Variants in ADAMTSL1 observed in about 807,000 individuals in gnomAD.
ADAMTSL1 encodes the protein ADAMTS-like protein 1.
In ADAMTSL1, 126 loss-of-function variants were observed where a neutral mutation model predicts 201.8. The observed-to-expected ratio is 0.62, with a 90% CI of 0.54 to 0.72. The LOEUF (loss-of-function observed/expected upper bound fraction) is 0.72, where lower values mean the gene tolerates loss of function less well. Ranked by LOEUF, ADAMTSL1 falls within the 30% of genes least tolerant of loss-of-function variation. The pLI, the probability that ADAMTSL1 is intolerant of heterozygous loss-of-function variation, is 0.00. For missense variants in ADAMTSL1, 2,679 were observed against 2,277.8 expected (o/e 1.18, Z -3.59); for synonymous variants, 1,121 against 903.4 (o/e 1.24, Z -4.32).
chr9:18,365,879 G>T (rs970614765), intron 2 of ADAMTSL1, among the ~76,000 whole-genome samples: 2 of 152,164 alleles, frequency 1.3e-5, no homozygotes, highest in African/African-American at 4.8e-5. Context: ...TTACAGGAGT[G>T]TGAACCCTAT....
Position 18,753,490 on chromosome 9 carries a change from C to T in ADAMTSL1, c.2199C>T (p.Tyr733=), listed in dbSNP as rs1345239465. Residue 733 remains tyrosine (Y), a synonymous_variant, in exon 16 of 29, where the codon TAC becomes TAT. Transcript: ENST00000380548. ...CNRFNCPPAW[Y]PAQWQPCSRT... ...GCTTTAATTGCCCCCCAGCCTGGTA[C>T]CCTGCACAGTGGCAGCCGGTGAGTT... 6.2e-7 allele frequency: 1 copy of T among 1,612,280 alleles called. No individual in the cohort carries two copies. Among genetic ancestry groups the T allele is most frequent in the Non-Finnish European group, 8.5e-7 (1 of 1,179,650 alleles).
At chr9:18,815,151 G>A (rs1295541456) in intron 20 of ADAMTSL1, among the ~76,000 whole-genome samples, 1 of 152,036 alleles carries the variant, frequency 6.6e-6, no homozygotes, top group Non-Finnish European at 1.5e-5. Context: ...CAGCTTAGAT[G>A]TTCCTCAAAA....
At chr9:18,853,099 T>G (rs952639408) in intron 23 of ADAMTSL1, among the ~76,000 whole-genome samples, 2 of 152,134 alleles carry the variant, frequency 1.3e-5, no homozygotes, top group African/African-American at 4.8e-5. Flanking sequence ...GTGCTGTTCA[T>G]AAAATGCAAT....
At chr9:18,358,712 C>T (rs577965754) in intron 2 of ADAMTSL1, among the ~76,000 whole-genome samples, 1 of 152,064 alleles carries the variant, frequency 6.6e-6, no homozygotes, top group Non-Finnish European at 1.5e-5. Context: ...ATACTGCATT[C>T]CTTTTTATGC....
intron 3 of ADAMTSL1, among the ~76,000 whole-genome samples, chr9:18,549,090 A>G (rs1307989165): frequency 6.6e-6 from 1 of 151,942 alleles, no homozygotes; most frequent in African/African-American, 2.4e-5. Flanking sequence ...TCCAGAAAGG[A>G]AAAAAATAGT....
At chr9:18,329,122 T>C (rs1443632473) in intron 2 of ADAMTSL1, among the ~76,000 whole-genome samples, 1 of 152,092 alleles carries the variant, frequency 6.6e-6, no homozygotes, top group African/African-American at 2.4e-5. Flanking sequence ...TGAATGGGAT[T>C]AGTGCCCTTA....
intron 2 of ADAMTSL1, among the ~76,000 whole-genome samples, chr9:18,509,969 C>G (rs755096939): frequency 2.0e-5 from 3 of 152,168 alleles, no homozygotes; most frequent in Non-Finnish European, 4.4e-5. Context: ...TATACCTTCC[C>G]AATAGGGAAA....
intron 2 of ADAMTSL1, among the ~76,000 whole-genome samples, chr9:18,393,683 G>T (rs1165963106): frequency 6.6e-6 from 1 of 152,186 alleles, no homozygotes; most frequent in African/African-American, 2.4e-5. Flanking sequence ...AGTGATGTTG[G>T]GAGAAGCTTG....
chr9:18,833,113 A>T (rs552764949), intron 23 of ADAMTSL1, among the ~76,000 whole-genome samples: 7 of 152,230 alleles, frequency 4.6e-5, no homozygotes, highest in Non-Finnish European at 8.8e-5. Context: ...CCTGAGCAAC[A>T]CATGCACAGG....
At chr9:18,399,117 C>T (rs547779608) in intron 2 of ADAMTSL1, among the ~76,000 whole-genome samples, 20 of 151,394 alleles carry the variant, frequency 1.3e-4, no homozygotes, top group Admixed American at 2.0e-4. Context: ...GGGGAGCCTA[C>T]GAGCTTGTGG....
chr9:18,161,858 G>A (rs1267219107), intron 1 of ADAMTSL1, among the ~76,000 whole-genome samples: 1 of 152,008 alleles, frequency 6.6e-6, no homozygotes, highest in Non-Finnish European at 1.5e-5. Flanking sequence ...ACATTTCCAT[G>A]AATCAGTTTT....
At chr9:18,334,871 A>G (rs999961275) in intron 2 of ADAMTSL1, among the ~76,000 whole-genome samples, 1 of 152,188 alleles carries the variant, frequency 6.6e-6, no homozygotes, top group Non-Finnish European at 1.5e-5. Flanking sequence ...GTCAGGGGCT[A>G]AAAATAATTC....
chr9:18,419,672 T>G (rs992876984), intron 2 of ADAMTSL1, among the ~76,000 whole-genome samples: 1 of 151,786 alleles, frequency 6.6e-6, no homozygotes, highest in Non-Finnish European at 1.5e-5. Context: ...CTCGAAAGTA[T>G]GCTGAGTGAA....
rs11339613 is a variant in ADAMTSL1, at chr9:18,565,568, GAAA to G, written c.238-8447_238-8445del. Among the ~76,000 whole-genome samples, 541 of 106,750 alleles carry G rather than the reference GAAA, an allele frequency of 5.1e-3. 3 individuals are homozygous for G. Among genetic ancestry groups the G allele is most frequent in the African/African-American group, 0.017 (520 of 30,180 alleles). 70.0% of individuals were successfully genotyped at this position (106,750 alleles called of 152,430 possible). A position where few individuals can be genotyped will look rare whatever the true frequency, so the allele number is the denominator to read the frequency against. On this transcript the variant is annotated intron_variant, in intron 3 of 28. Coordinates refer to ENST00000380548, the MANE Select transcript of ADAMTSL1 (RefSeq NM_001040272.6). ...CCCTAAGCCATTTAATCCTAGTTAT[GAAA>G]AAAAAAAAAAAAAAGCCTGTTGGCC...
At chr9:18,533,865 G>C (rs1175124509) in intron 3 of ADAMTSL1, among the ~76,000 whole-genome samples, 1 of 152,128 alleles carries the variant, frequency 6.6e-6, no homozygotes, top group Admixed American at 6.6e-5. Flanking sequence ...TTCTTTGTGG[G>C]CTAAAATAGA....
intron 2 of ADAMTSL1, among the ~76,000 whole-genome samples, chr9:18,241,307 A>G (rs373341449): frequency 1.6e-4 from 25 of 152,092 alleles, no homozygotes; most frequent in African/African-American, 5.3e-4. Context: ...TCAACGTTCA[A>G]TTATTCTTCC....
In ADAMTSL1 at chr9:18,569,113, C is replaced by T. The variant is rs57306499; in HGVS notation, c.238-4917C>T. On this transcript the variant is annotated intron_variant, in intron 3 of 28. Transcript: ENST00000380548. The stretch of plus-strand genomic sequence containing the variant: ...TTTCACCCGGTGAGTAAACTGGGAA[C>T]CCTGACCCTCCTTTGTCTCACAGTG... 2.6e-5 allele frequency among the ~76,000 whole-genome samples: 4 copies of T among 152,284 alleles called. No homozygotes were observed. The East Asian group carries it at 7.7e-4, about 29-fold the overall frequency.
intron 2 of ADAMTSL1, among the ~76,000 whole-genome samples, chr9:18,447,746 C>T (rs571156522): frequency 3.9e-4 from 60 of 152,320 alleles, no homozygotes; most frequent in African/African-American, 1.4e-3. Flanking sequence ...AGAGTACCTT[C>T]CTCCGGAGAG....
chr9:18,720,427 C>G (rs1284502113), intron 14 of ADAMTSL1, among the ~76,000 whole-genome samples: 1 of 152,170 alleles, frequency 6.6e-6, no homozygotes, highest in East Asian at 1.9e-4. Context: ...TATATGTTAG[C>G]TACTGTTATT....
Sources: gnomAD v4.1 joint callset for allele counts (sites outside exome capture counted in the v4.1 genomes callset) on GRCh38, gnomAD v4.1.1 for gene constraint, MANE v1.5 for transcripts, NCBI Gene and HGNC (gene_info 2026-07-23, HGNC 2026-07-21) for gene names.